The following CDH6 variants were observed in gnomAD, a reference collection of about 807,000 sequenced individuals.
The protein encoded by CDH6 is cadherin 6.
Under a neutral mutation model 78.0 loss-of-function variants are expected in CDH6, and 31 were observed. That is an observed-to-expected ratio of 0.40 (90% CI 0.30 to 0.54). The LOEUF (loss-of-function observed/expected upper bound fraction) is 0.54. CDH6 is among the 20% of genes least tolerant of loss of function. The pLI is 0.56. For synonymous variants in CDH6, 376 were observed against 368.8 expected (o/e 1.02, Z -0.23); for missense variants, 724 against 975.9 (o/e 0.74, Z 3.44).
intron 1 of CDH6, among the ~76,000 whole-genome samples, chr5:31,201,741 G>A (rs1013781590): frequency 6.6e-6 from 1 of 152,030 alleles, no homozygotes; most frequent in Non-Finnish European, 1.5e-5. Flanking sequence ...TGATTGACCT[G>A]GTTCTCTTCC....
In CDH6 at chr5:31,302,128, A is replaced by C; in HGVS notation, c.829A>C (p.Thr277Pro). The change falls in exon 6 of 12, where the codon ACT (threonine) becomes CCT (proline). Residue 277 changes from threonine to proline, a missense_variant. By Grantham distance (38) the Thr-to-Pro change is conservative. Around this residue, in one of 3 missense-constraint regions of CDH6, gnomAD observed 446 missense variants for 684.5 expected, o/e 0.65. Transcript: ENST00000265071. ...ATTAATAGGTACATACCAGTTTAAA[A>C]CTCCTGAATCTTCTCCACCGGGGAC... ...RFPQSTYQFK[T>P]PESSPPGTPI... is the part of the protein sequence containing the mutation. 4.3e-6 allele frequency: 7 copies of C among 1,613,272 alleles called. No homozygotes were observed. Among genetic ancestry groups the C allele is most frequent in the Non-Finnish European group, 5.9e-6 (7 of 1,179,462 alleles).
chr5:31,273,067 A>G (rs904912960), intron 2 of CDH6, among the ~76,000 whole-genome samples: 2 of 152,220 alleles, frequency 1.3e-5, no homozygotes, highest in Non-Finnish European at 1.5e-5. Flanking sequence ...TTAACGGACC[A>G]TAAAAATAAA....
intron 1 of CDH6, among the ~76,000 whole-genome samples, chr5:31,261,015 T>C (rs1246959007): frequency 6.6e-6 from 1 of 152,222 alleles, no homozygotes. Flanking sequence ...ACAAAGTTTC[T>C]TGGGTTATCG....
chr5:31,300,608 G>A (rs1468276660), intron 5 of CDH6, among the ~76,000 whole-genome samples: 1 of 152,116 alleles, frequency 6.6e-6, no homozygotes, highest in African/African-American at 2.4e-5. Flanking sequence ...AAAACTATTA[G>A]GATCACCAAC....
intron 1 of CDH6, among the ~76,000 whole-genome samples, chr5:31,221,029 AG>A (rs753993873): frequency 1.3e-5 from 2 of 152,186 alleles, no homozygotes; most frequent in African/African-American, 4.8e-5. Flanking sequence ...CAGGCTGTTC[AG>A]GGGGGAGACA....
Position 31,236,556 on chromosome 5 carries a change from G to T in CDH6, c.-128-30790G>T, listed in dbSNP as rs578149379. Among the ~76,000 whole-genome samples the T allele has an allele frequency of 1.2e-3, 177 of 152,202 alleles. 1 individual carries two copies. Among genetic ancestry groups the T allele is most frequent in the Non-Finnish European group, 3.1e-4 (21 of 68,002 alleles). On this transcript the variant is annotated intron_variant, in intron 1 of 11. Transcript: ENST00000265071. ...CTCTGGCACACCTTTGTTGCCACGT[G>T]CTGCATCCTACCACAAACACCATTA... is the stretch of plus-strand genomic sequence containing the variant.
intron 2 of CDH6, among the ~76,000 whole-genome samples, chr5:31,275,067 G>C (rs1742653435): frequency 6.6e-6 from 1 of 152,216 alleles, no homozygotes; most frequent in African/African-American, 2.4e-5. Context: ...AAACCACGTA[G>C]ATACTGATTG....
intron 1 of CDH6, among the ~76,000 whole-genome samples, chr5:31,254,152 G>C (rs1402899918): frequency 6.6e-6 from 1 of 152,134 alleles, no homozygotes; most frequent in Non-Finnish European, 1.5e-5. Context: ...CCACCTGTTA[G>C]TCACTTAGCC....
intron 1 of CDH6, among the ~76,000 whole-genome samples, chr5:31,220,601 AG>A (rs1031812858): frequency 5.3e-5 from 8 of 152,200 alleles, no homozygotes; most frequent in East Asian, 1.9e-4. Context: ...TCATGGAGGA[AG>A]GAAAAAAAAG....
intron 7 of CDH6, among the ~76,000 whole-genome samples, chr5:31,311,474 A>G (rs867956283): frequency 1.1e-4 from 17 of 152,112 alleles, no homozygotes; most frequent in Middle Eastern, 3.4e-3. Flanking sequence ...ATCTGTTCCA[A>G]CCTCTGCCTG....
At chr5:31,228,624 T>G (rs555898943) in intron 1 of CDH6, among the ~76,000 whole-genome samples, 1 of 152,260 alleles carries the variant, frequency 6.6e-6, no homozygotes, top group Non-Finnish European at 1.5e-5. Flanking sequence ...AGGATATGGT[T>G]TCAGGATGAA....
chr5:31,253,931 T>A (rs1281529898), intron 1 of CDH6, among the ~76,000 whole-genome samples: 1 of 152,164 alleles, frequency 6.6e-6, no homozygotes, highest in East Asian at 1.9e-4. Flanking sequence ...TAATCCCTCC[T>A]GATCTGAGGT....
rs557152388 is a variant in CDH6, at chr5:31,327,424, A to G, written c.*4116A>G. 3 of 191,894 alleles carry G rather than the reference A, an allele frequency of 1.6e-5. No homozygotes were observed. Among genetic ancestry groups the G allele is most frequent in the African/African-American group, 6.9e-5 (3 of 43,168 alleles). 11.9% of individuals were successfully genotyped at this position (191,894 alleles called of 1,614,324 possible). A position where few individuals can be genotyped will look rare whatever the true frequency, so the allele number is the denominator to read the frequency against. ...TGATTCCCCCACTATTTTGAAATGT[A>G]TCCTCTAACAAGGATCATTATAGTG... On this transcript the variant is annotated 3_prime_UTR_variant, in exon 12 of 12. Coordinates refer to ENST00000265071, the MANE Select transcript of CDH6 (RefSeq NM_004932.4).
intron 2 of CDH6, among the ~76,000 whole-genome samples, chr5:31,280,183 A>G (rs1280475999): frequency 6.6e-6 from 1 of 152,246 alleles, no homozygotes; most frequent in Non-Finnish European, 1.5e-5. Flanking sequence ...ATTCAACACA[A>G]GAGAAAGTAT....
rs767870196 is a variant in CDH6 at position 31,294,255 on chromosome 5, C to T, written c.522C>T (p.Val174=). The part of the protein sequence containing the change: ...YTATVPEMSD[V]GTFVVQVTAT... The stretch of plus-strand genomic sequence containing the variant: ...CCACTGTCCCTGAAATGTCTGATGT[C>T]GGTGAGTGAGACGTGACTTCAGCCA... The change falls in exon 3 of 12, where the codon GTC becomes GTT. Residue 174 remains valine (V), a splice_region_variant and synonymous_variant. Transcript: ENST00000265071. The surrounding 1 kb of genome is among the most constrained non-coding windows in gnomAD (Gnocchi z 4.1). 48 of 1,609,114 alleles carry T rather than the reference C, an allele frequency of 3.0e-5. 1 individual carries two copies. Among genetic ancestry groups the T allele is most frequent in the Middle Eastern group, 1.7e-4 (1 of 6,040 alleles).
intron 1 of CDH6, among the ~76,000 whole-genome samples, chr5:31,228,617 A>T (rs1741230026): frequency 6.6e-6 from 1 of 152,164 alleles, no homozygotes; most frequent in African/African-American, 2.4e-5. Flanking sequence ...TGAGCAGAGG[A>T]TATGGTTTCA....
chr5:31,225,418 C>T (rs1402358194), intron 1 of CDH6, among the ~76,000 whole-genome samples: 2 of 152,050 alleles, frequency 1.3e-5, no homozygotes, highest in Non-Finnish European at 2.9e-5. Context: ...TAGTCATTCC[C>T]GCATTGCGAT....
At chr5:31,217,228 CT>C (rs1740891842) in intron 1 of CDH6, among the ~76,000 whole-genome samples, 1 of 152,152 alleles carries the variant, frequency 6.6e-6, no homozygotes, top group Non-Finnish European at 1.5e-5. Flanking sequence ...ACATTTTTAA[CT>C]TTCAAATATA....
chr5:31,205,311 C>A (rs866422753), intron 1 of CDH6, among the ~76,000 whole-genome samples: 1 of 152,174 alleles, frequency 6.6e-6, no homozygotes, highest in Non-Finnish European at 1.5e-5. Flanking sequence ...TGACCACTTT[C>A]AAATGAGCCT....
Sources: gnomAD v4.1 joint callset for allele counts (sites outside exome capture counted in the v4.1 genomes callset) on GRCh38, gnomAD v4.1.1 for gene constraint, gnomAD v4.1.1 regional missense constraint, Gnocchi (gnomAD v3.1) non-coding constraint, MANE v1.5 for transcripts, NCBI Gene and HGNC (gene_info 2026-07-23, HGNC 2026-07-21) for gene names.